Variants in SULF2 observed in about 807,000 individuals in gnomAD.
SULF2 encodes extracellular sulfatase Sulf-2.
SULF2 carries 52 observed loss-of-function variants against 107.7 expected under a neutral mutation model. The ratio of observed to expected loss-of-function variants is 0.48; its 90% CI spans 0.39 to 0.61. The LOEUF (loss-of-function observed/expected upper bound fraction) is 0.61. SULF2 is among the 20% of genes least tolerant of loss of function. SULF2 has a pLI of 0.00. For synonymous variants in SULF2, 460 were observed against 464.3 expected, an observed-to-expected ratio of 0.99 and a Z score of 0.12; for missense variants, 993 against 1,177.3, an observed-to-expected ratio of 0.84 and a Z score of 2.29.
At chr20:47,767,728 T>C (rs1316370351) in intron 1 of SULF2, among the ~76,000 whole-genome samples, 3 of 152,052 alleles carry the variant, frequency 2.0e-5, no homozygotes, top group South Asian at 2.1e-4. Flanking sequence ...TGAGCCGAGA[T>C]TGCGCTACTG....
intron 2 of SULF2, among the ~76,000 whole-genome samples, chr20:47,742,299 A>C (rs996669170): frequency 1.3e-5 from 2 of 152,222 alleles, no homozygotes; most frequent in Non-Finnish European, 2.9e-5. Flanking sequence ...ACAGAAATGA[A>C]AAGGCCAGTT....
chr20:47,676,198 T>C (rs2087633596), intron 10 of SULF2, among the ~76,000 whole-genome samples: 1 of 152,360 alleles, frequency 6.6e-6, no homozygotes, highest in South Asian at 2.1e-4. Context: ...TAACTCCTGC[T>C]GGGGCCTTCG....
At chr20:47,736,644 C>G in intron 3 of SULF2, 59 bp downstream of exon 3, 1 of 1,603,404 alleles carries the variant, frequency 6.2e-7, no homozygotes. Flanking sequence ...CAGACCACAC[C>G]TAGGGACGCC....
At chr20:47,704,817 C>T (rs566310531) in intron 3 of SULF2, among the ~76,000 whole-genome samples, 8 of 152,102 alleles carry the variant, frequency 5.3e-5, no homozygotes, top group African/African-American at 1.2e-4. Flanking sequence ...AGTGCTTGGC[C>T]GAGAAGCCAG....
At chr20:47,731,844 G>C (rs2089621186) in intron 3 of SULF2, among the ~76,000 whole-genome samples, 2 of 152,152 alleles carry the variant, frequency 1.3e-5, no homozygotes, top group Non-Finnish European at 2.9e-5. Flanking sequence ...TGGTGCGATG[G>C]GACCTCTTCA....
At chr20:47,675,352 C>T (rs531836184) in intron 10 of SULF2, among the ~76,000 whole-genome samples, 10 of 152,188 alleles carry the variant, frequency 6.6e-5, no homozygotes, top group South Asian at 2.1e-4. Flanking sequence ...GCCTGGCAAG[C>T]GGGGGGACGC....
intron 11 of SULF2, among the ~76,000 whole-genome samples, chr20:47,669,104 C>CA (rs1449050575): frequency 1.3e-5 from 2 of 152,198 alleles, no homozygotes; most frequent in African/African-American, 4.8e-5. Flanking sequence ...TTCACTTGTT[C>CA]ACATCTTGTT....
intron 1 of SULF2, among the ~76,000 whole-genome samples, chr20:47,777,875 A>AGGG (rs1311117246): frequency 2.0e-5 from 3 of 151,922 alleles, no homozygotes; most frequent in African/African-American, 7.3e-5. Context: ...CAGGCCAGGC[A>AGGG]GGGTGGCTCA....
At chr20:47,777,857 A>G (rs571579928) in intron 1 of SULF2, among the ~76,000 whole-genome samples, 1 of 152,206 alleles carries the variant, frequency 6.6e-6, no homozygotes, top group Admixed American at 6.5e-5. Flanking sequence ...TCTCTTTTCA[A>G]AAAGTTCCAG....
intron 1 of SULF2, among the ~76,000 whole-genome samples, chr20:47,778,712 C>T (rs76526781): frequency 0.021 from 3,176 of 152,214 alleles, 88 homozygotes; most frequent in African/African-American, 0.069. Context: ...ACTGAGAAAC[C>T]AGGCGATGAA....
At chr20:47,698,639 T>C (rs188016132) in intron 4 of SULF2, among the ~76,000 whole-genome samples, 86 of 152,304 alleles carry the variant, frequency 5.6e-4, no homozygotes, top group African/African-American at 2.0e-3. Context: ...TAGCTGGTTT[T>C]CAGTTAAATA....
At chr20:47,700,637 C>CTTTTTTTTTTTTTTTTTTTTTT (rs59966689) in intron 4 of SULF2, among the ~76,000 whole-genome samples, 5 of 126,208 alleles carry the variant, frequency 4.0e-5, no homozygotes, top group Non-Finnish European at 3.2e-5. Flanking sequence ...GGTGCAACAT[C>CTTTTTTTTTTTTTTTTTTTTTT]TTTTTTTTTT....
At chr20:47,732,960 T>C (rs1230950502) in intron 3 of SULF2, among the ~76,000 whole-genome samples, 2 of 152,224 alleles carry the variant, frequency 1.3e-5, no homozygotes, top group Non-Finnish European at 2.9e-5. Context: ...CAGAGAAATA[T>C]TCATGAACAA....
intron 2 of SULF2, among the ~76,000 whole-genome samples, chr20:47,756,115 G>A (rs932051744): frequency 4.6e-5 from 7 of 152,162 alleles, no homozygotes; most frequent in African/African-American, 1.7e-4. Flanking sequence ...GACTATAGCC[G>A]AAACAGCGTC....
intron 1 of SULF2, among the ~76,000 whole-genome samples, chr20:47,761,254 A>G (rs757906185): frequency 1.3e-5 from 2 of 152,142 alleles, no homozygotes; most frequent in African/African-American, 2.4e-5. Flanking sequence ...TCCTAAGGCC[A>G]CCCAGACAGA....
At chr20:47,760,266 G>A (rs539098288) in intron 1 of SULF2, among the ~76,000 whole-genome samples, 4 of 152,286 alleles carry the variant, frequency 2.6e-5, no homozygotes, top group South Asian at 2.1e-4. Context: ...CAGATGGCAC[G>A]GTCGGCACGT....
At chr20:47,664,014 C>T (rs1482435817) in intron 15 of SULF2, 116 bp downstream of exon 15, 21 of 1,139,888 alleles carry the variant, frequency 1.8e-5, no homozygotes, top group Middle Eastern at 2.2e-4. Flanking sequence ...CTACCGTGGA[C>T]TTCCCAGGGA....
At chr20:47,673,346 C>T (rs1234207977) in intron 10 of SULF2, among the ~76,000 whole-genome samples, 1 of 152,206 alleles carries the variant, frequency 6.6e-6, no homozygotes, top group East Asian at 1.9e-4. Flanking sequence ...TTGCTTACTA[C>T]ACCTCACGCT....
intron 3 of SULF2, among the ~76,000 whole-genome samples, chr20:47,731,327 G>A (rs2089606381): frequency 6.6e-6 from 1 of 151,098 alleles, no homozygotes; most frequent in Non-Finnish European, 1.5e-5. Flanking sequence ...CCTGTAGCTG[G>A]GATTACAGGT....
Sources: allele counts gnomAD v4.1 joint callset (sites outside exome capture counted in the v4.1 genomes callset), GRCh38; gene constraint gnomAD v4.1.1; transcripts MANE v1.5; gene names NCBI Gene and HGNC (gene_info 2026-07-23, HGNC 2026-07-21).